Variants in EPHA6 observed in about 807,000 individuals in gnomAD.
The protein encoded by EPHA6 is ephrin type-A receptor 6.
EPHA6 carries 50 observed loss-of-function variants against 112.0 expected under a neutral mutation model. The ratio of observed to expected loss-of-function variants is 0.45; its 90% confidence interval spans 0.36 to 0.56. The LOEUF (loss-of-function observed/expected upper bound fraction) is 0.56. Ranked by LOEUF, EPHA6 falls within the 20% of genes least tolerant of loss-of-function variation. EPHA6 has a pLI of 0.00. For synonymous variants in EPHA6, 529 were observed against 490.7 expected (o/e 1.08, Z -1.03); for missense variants, 1,280 against 1,417.4 (o/e 0.90, Z 1.56).
chr3:97,050,305 A>G (rs2045644550), intron 3 of EPHA6, among the ~76,000 whole-genome samples: 1 of 152,158 alleles, frequency 6.6e-6, no homozygotes, highest in Admixed American at 6.6e-5. Flanking sequence ...TAGGAAGAAG[A>G]TTTCACGAAA....
intron 13 of EPHA6, chr3:97,612,297 A>G: frequency 3.0e-6 from 1 of 333,362 alleles, no homozygotes; most frequent in Non-Finnish European, 6.0e-6. Flanking sequence ...TATCAGATAC[A>G]TATCAAAATG....
rs1249700453 is a variant in EPHA6 at position 97,754,720 on chromosome 3, T to C, written c.*6019T>C. Among the ~76,000 whole-genome samples, 1 of 152,224 alleles carries C rather than the reference T, an allele frequency of 6.6e-6. No individual in the cohort carries two copies. The highest frequency in any genetic ancestry group is 1.5e-5 in the Non-Finnish European group (1 of 68,034). Reference sequence around the variant, plus strand: ...TATTTATTTATTTATTCATTTATTTTTGAGACGGAGTCTCGCTCTGTCGCC... The same window carrying C: ...TATTTATTTATTTATTCATTTATTTCTGAGACGGAGTCTCGCTCTGTCGCC... On this transcript the variant is annotated 3_prime_UTR_variant, in exon 18 of 18. Transcript: ENST00000389672.
Position 97,752,649 on chromosome 3 carries a change from A to G in EPHA6, c.*3948A>G, listed in dbSNP as rs1203997008. ...GCTATAATATTTTGGGTTCTATCAC[A>G]TAATTGAGAACATTTGTACTCACAG... On this transcript the variant is annotated 3_prime_UTR_variant, in exon 18 of 18. Coordinates refer to ENST00000389672, the MANE Select transcript of EPHA6 (RefSeq NM_001080448.3). Among the ~76,000 whole-genome samples the G allele has an allele frequency of 6.6e-6, 1 of 152,150 alleles. No individual in the cohort carries two copies. The highest frequency in any genetic ancestry group is 2.4e-5 in the African/African-American group (1 of 41,460).
chr3:96,922,799 A>G (rs1559834182), intron 2 of EPHA6, among the ~76,000 whole-genome samples: 1 of 152,052 alleles, frequency 6.6e-6, no homozygotes, highest in South Asian at 2.1e-4. Flanking sequence ...GATGCTCTCT[A>G]TCCCACCAAG....
At chr3:97,402,285 T>A (rs2087040629) in intron 5 of EPHA6, among the ~76,000 whole-genome samples, 1 of 152,058 alleles carries the variant, frequency 6.6e-6, no homozygotes, top group African/African-American at 2.4e-5. Flanking sequence ...TATTGGGGTC[T>A]TTCTCTTTAG....
At chr3:97,559,939 G>A (rs947310241) in intron 11 of EPHA6, among the ~76,000 whole-genome samples, 3 of 151,812 alleles carry the variant, frequency 2.0e-5, no homozygotes, top group Admixed American at 2.0e-4. Context: ...TTCAGAAAAT[G>A]TAAGAAAACC....
chr3:97,130,998 A>G (rs1419289348), intron 3 of EPHA6, among the ~76,000 whole-genome samples: 1 of 152,134 alleles, frequency 6.6e-6, no homozygotes, highest in African/African-American at 2.4e-5. Context: ...TCAGCAGTTA[A>G]TTCTTTCATT....
At chr3:97,465,605 CA>C (rs1449597980) in intron 7 of EPHA6, among the ~76,000 whole-genome samples, 1 of 151,960 alleles carries the variant, frequency 6.6e-6, no homozygotes. Context: ...AACAATGATC[CA>C]AAAGCTTCCC....
intron 3 of EPHA6, among the ~76,000 whole-genome samples, chr3:97,141,794 A>G (rs978612985): frequency 1.3e-5 from 2 of 151,806 alleles, no homozygotes; most frequent in Admixed American, 6.6e-5. Flanking sequence ...AACAAATCAA[A>G]CCCGACACTA....
At position 97,359,317 on chromosome 3, in the gene EPHA6, T is replaced by C. The variant is rs533258285; in HGVS notation, c.1607-45833T>C. On this transcript the variant is annotated intron_variant, in intron 5 of 17. Coordinates refer to ENST00000389672, the MANE Select transcript of EPHA6 (RefSeq NM_001080448.3). ...CTTCAAGTTCATGGATTCTTCATCC[T>C]CAAATCTGCCTTTGAATCCCTTTAG... 2.8e-4 allele frequency among the ~76,000 whole-genome samples: 43 copies of C among 152,058 alleles called. No homozygotes were observed. The South Asian group carries it at 8.5e-3, about 30-fold the overall frequency.
At chr3:97,711,408 G>GATAT (rs199791129) in intron 14 of EPHA6, among the ~76,000 whole-genome samples, 22 of 146,982 alleles carry the variant, frequency 1.5e-4, no homozygotes, top group Middle Eastern at 3.6e-3. Flanking sequence ...GAACCATTAG[G>GATAT]ATATATATAT....
At chr3:96,981,838 G>A (rs150006529) in intron 2 of EPHA6, among the ~76,000 whole-genome samples, 4,426 of 152,218 alleles carry the variant, frequency 0.029, 214 homozygotes, top group African/African-American at 0.098. Context: ...TAGTTTATTT[G>A]CATAGAGGTG....
intron 12 of EPHA6, among the ~76,000 whole-genome samples, chr3:97,601,686 T>C (rs2093644421): frequency 6.6e-6 from 1 of 151,736 alleles, no homozygotes; most frequent in African/African-American, 2.4e-5. Flanking sequence ...AAGAAATAAA[T>C]AGTTACTTGC....
At chr3:97,425,708 C>T (rs778034139) in intron 6 of EPHA6, among the ~76,000 whole-genome samples, 1 of 152,222 alleles carries the variant, frequency 6.6e-6, no homozygotes, top group Non-Finnish European at 1.5e-5. Flanking sequence ...GGCTTGACTT[C>T]CTTCCCAGAA....
chr3:97,393,443 CAA>C (rs2086530083), intron 5 of EPHA6, among the ~76,000 whole-genome samples: 1 of 151,738 alleles, frequency 6.6e-6, no homozygotes, highest in Admixed American at 6.6e-5. Context: ...TAAGACTTAT[CAA>C]AGAGAAATTA....
intron 3 of EPHA6, among the ~76,000 whole-genome samples, chr3:97,047,551 T>C (rs1185816933): frequency 6.7e-6 from 1 of 149,302 alleles, no homozygotes; most frequent in African/African-American, 2.5e-5. Context: ...AAATACTATC[T>C]ACATCTTATA....
chr3:97,310,774 GT>G (rs2081522338), intron 5 of EPHA6, among the ~76,000 whole-genome samples: 1 of 151,624 alleles, frequency 6.6e-6, no homozygotes, highest in African/African-American at 2.4e-5. Context: ...TCCGTCAAGT[GT>G]TTTAAATATA....
chr3:97,350,397 A>G (rs560678173), intron 5 of EPHA6, among the ~76,000 whole-genome samples: 3 of 152,264 alleles, frequency 2.0e-5, no homozygotes, highest in Admixed American at 6.5e-5. Flanking sequence ...GACCTACCCA[A>G]TGCATTTTGT....
intron 5 of EPHA6, among the ~76,000 whole-genome samples, chr3:97,255,144 ATGTGTGTGTGTGTGTGTGTG>A (rs10631180): frequency 6.9e-6 from 1 of 144,278 alleles, no homozygotes; most frequent in Non-Finnish European, 1.5e-5. Context: ...TACATCTTGG[ATGTGTGTGTGTGTGTGTGTG>A]TGTGTGTGTG....
Sources: gnomAD v4.1 joint callset for allele counts (sites outside exome capture counted in the v4.1 genomes callset) on GRCh38, gnomAD v4.1.1 for gene constraint, MANE v1.5 for transcripts, NCBI Gene and HGNC (gene_info 2026-07-23, HGNC 2026-07-21) for gene names.